Variants in GCKR observed in about 807,000 individuals in gnomAD.
GCKR encodes the protein glucokinase regulator.
In GCKR, 73 loss-of-function variants were observed where a neutral mutation model predicts 82.9. The ratio of observed to expected loss-of-function variants is 0.88; its 90% CI spans 0.73 to 1.07. The LOEUF is 1.07. Among genes scored for constraint, GCKR ranks in the 50% least tolerant of loss-of-function variants. The probability of loss-of-function intolerance (pLI) is 0.00; values close to 1 mark genes in which losing one functional copy is unlikely to be tolerated. For missense variants in GCKR, 784 were observed against 782.1 expected, an observed-to-expected ratio of 1.00 and a Z score of -0.03; for synonymous variants, 294 against 291.8, an observed-to-expected ratio of 1.01 and a Z score of -0.08.
rs761494177 is a variant in GCKR, at chr2:27,496,925, T to A, written c.21T>A (p.Phe7Leu). The change falls in exon 1 of 19, where the codon TTT becomes TTA. Residue 7 changes from phenylalanine (F) to leucine (L), a missense_variant. Phe to Leu is a conservative substitution (Grantham distance 22). Coordinates refer to ENST00000264717, the MANE Select transcript of GCKR (RefSeq NM_001486.4). Reference protein sequence around the residue: MPGTKRFQHVIETPEPG... With the variant: MPGTKRLQHVIETPEPG... ...GGACCATGCCAGGCACAAAACGGTTTCAACATGTCATTGAGACCCCGGAGC... is the reference window on the plus strand; with the variant it reads ...GGACCATGCCAGGCACAAAACGGTTACAACATGTCATTGAGACCCCGGAGC... 2 of 1,613,862 alleles carry A rather than the reference T, an allele frequency of 1.2e-6. No homozygotes were observed. The highest frequency in any genetic ancestry group is 1.7e-6 in the Non-Finnish European group (2 of 1,179,758).
At chr2:27,515,091 C>T (rs1558441216) in intron 16 of GCKR, among the ~76,000 whole-genome samples, 1 of 152,082 alleles carries the variant, frequency 6.6e-6, no homozygotes, top group Admixed American at 6.6e-5. Flanking sequence ...AATTCTTCTG[C>T]CTCAGCCTCC....
rs1462416073 is a variant in GCKR, at chr2:27,506,794, G to A, written c.975G>A (p.Glu325=). The change falls in exon 12 of 19, where the codon GAG becomes GAA. Residue 325 remains glutamate (E), a synonymous_variant. Coordinates refer to ENST00000264717, the MANE Select transcript of GCKR (RefSeq NM_001486.4). The part of the protein sequence containing the change: ...TLMKSVSTSL[E]KKGHVYLVGW... ...ACCTCTGACCCATTCTCAGTCTGGA[G>A]AAGAAAGGCCACGTGTACCTGGTTG... 6.2e-7 allele frequency: 1 copy of A among 1,609,210 alleles called. No homozygotes were observed. Among genetic ancestry groups the A allele is most frequent in the African/African-American group, 1.3e-5 (1 of 74,908 alleles).
intron 8 of GCKR, chr2:27,501,652 T>G: frequency 2.2e-6 from 1 of 458,674 alleles, no homozygotes; most frequent in Admixed American, 2.5e-5. Flanking sequence ...CTTTGTCCAG[T>G]TCCCTTATTT....
At chr2:27,515,422 C>G (rs1397298952) in intron 16 of GCKR, among the ~76,000 whole-genome samples, 4 of 151,722 alleles carry the variant, frequency 2.6e-5, no homozygotes, top group Non-Finnish European at 5.9e-5. Context: ...ACTACAGGCG[C>G]TTGCCACCAT....
intron 13 of GCKR, 76 bp from the exon 14 acceptor site, chr2:27,507,605 C>T (rs903344911): frequency 2.3e-5 from 19 of 824,504 alleles, no homozygotes; most frequent in South Asian, 8.0e-5. Context: ...ATCTCCTCCA[C>T]GGCCCCCTTT....
intron 4 of GCKR, 137 bp from the exon 5 acceptor site, chr2:27,498,587 C>G: frequency 1.4e-6 from 1 of 717,290 alleles, no homozygotes; most frequent in Non-Finnish European, 2.5e-6. Context: ...GCTTTAAGTG[C>G]GAGATTCCAT....
chr2:27,516,120 G>GATGCT (rs1420908661), intron 16 of GCKR, among the ~76,000 whole-genome samples: 1 of 151,212 alleles, frequency 6.6e-6, no homozygotes, highest in East Asian at 1.9e-4. Context: ...AGTGATTTAG[G>GATGCT]ATGCTATCTG....
At chr2:27,504,130 TGGGCCTTACGA>T (rs1048603632) in intron 9 of GCKR, among the ~76,000 whole-genome samples, 5 of 152,238 alleles carry the variant, frequency 3.3e-5, no homozygotes, top group Admixed American at 1.3e-4. Flanking sequence ...TCTCCTTACT[TGGGCCTTACGA>T]GGGCCTTAGC....
chr2:27,503,649 A>T, intron 9 of GCKR, 30 bp downstream of exon 9: 2 of 1,119,360 alleles, frequency 1.8e-6, no homozygotes, highest in Non-Finnish European at 2.7e-6. Context: ...TATGTTCTCC[A>T]CCCCTCCAAC....
At chr2:27,509,515 T>A (rs373447244) in intron 16 of GCKR, 14 of 429,604 alleles carry the variant, frequency 3.3e-5, no homozygotes, top group African/African-American at 2.4e-4. Context: ...AATTTTTGTA[T>A]TTTTTTTGTA....
intron 9 of GCKR, among the ~76,000 whole-genome samples, chr2:27,504,380 G>A (rs1669657250): frequency 7.0e-6 from 1 of 142,814 alleles, no homozygotes; most frequent in East Asian, 2.0e-4. Context: ...TTTTTGAGAC[G>A]AAATCTTGCT....
At chr2:27,517,703 A>G (rs1208951910) in intron 16 of GCKR, among the ~76,000 whole-genome samples, 2 of 152,186 alleles carry the variant, frequency 1.3e-5, no homozygotes, top group Non-Finnish European at 2.9e-5. Context: ...TAATGTGCCA[A>G]TAGGTGTTAT....
At chr2:27,506,073 C>T (rs1669733084) in intron 10 of GCKR, among the ~76,000 whole-genome samples, 1 of 152,174 alleles carries the variant, frequency 6.6e-6, no homozygotes, top group African/African-American at 2.4e-5. Context: ...AATCCCTGAG[C>T]CTGCCTGGGG....
Position 27,501,193 on chromosome 2 carries a change from C to G in GCKR, c.608C>G (p.Pro203Arg). 1 of 1,614,052 alleles carries G rather than the reference C, an allele frequency of 6.2e-7. No homozygotes were observed. Among genetic ancestry groups the G allele is most frequent in the African/African-American group, 1.3e-5 (1 of 75,056 alleles). The part of the protein sequence containing the change: ...CCMNNTAVFL[P>R]VLVGFNPVSM... Reference sequence around the variant, plus strand: ...ATGAACAACACAGCTGTCTTCTTGCCAGTCCTGGTTGGCTTCAATCCAGTG... The same window carrying G: ...ATGAACAACACAGCTGTCTTCTTGCGAGTCCTGGTTGGCTTCAATCCAGTG... Residue 203 changes from proline to arginine, a missense_variant, in exon 8 of 19, where the codon CCA (proline) becomes CGA (arginine). Pro to Arg is a moderately radical substitution (Grantham distance 103, BLOSUM62 -2). Transcript: ENST00000264717.
intron 16 of GCKR, among the ~76,000 whole-genome samples, chr2:27,517,013 C>CTTTTTT (rs10549495): frequency 7.4e-6 from 1 of 135,100 alleles, no homozygotes; most frequent in Non-Finnish European, 1.6e-5. Flanking sequence ...GTATTAGTAC[C>CTTTTTT]TTTTTTTTTT....
chr2:27,521,568 C>A (rs1051563335), intron 17 of GCKR, among the ~76,000 whole-genome samples: 1 of 147,716 alleles, frequency 6.8e-6, no homozygotes, highest in Non-Finnish European at 1.5e-5. Context: ...GTCTCCAACT[C>A]CTGACCTTGT....
At chr2:27,516,283 GTTTTTTTTTTTTTT>G (rs35189790) in intron 16 of GCKR, among the ~76,000 whole-genome samples, 1 of 58,526 alleles carries the variant, frequency 1.7e-5, no homozygotes, top group Non-Finnish European at 2.9e-5. Flanking sequence ...CTTCATTCTT[GTTTTTTTTTTTTTT>G]TTTTTTTTTT....
chr2:27,518,210 TA>T (rs1670055450), intron 16 of GCKR, among the ~76,000 whole-genome samples: 1 of 152,158 alleles, frequency 6.6e-6, no homozygotes, highest in African/African-American at 2.4e-5. Flanking sequence ...CACTCCTAGC[TA>T]ATTTTTGTGT....
intron 17 of GCKR, among the ~76,000 whole-genome samples, chr2:27,519,567 G>T (rs1211424143): frequency 6.6e-6 from 1 of 152,132 alleles, no homozygotes; most frequent in Non-Finnish European, 1.5e-5. Context: ...CTCCTAAAGT[G>T]CTGGGATTAC....
Sources: allele counts gnomAD v4.1 joint callset (sites outside exome capture counted in the v4.1 genomes callset), GRCh38; gene constraint gnomAD v4.1.1; transcripts MANE v1.5; gene names NCBI Gene and HGNC (gene_info 2026-07-23, HGNC 2026-07-21).